The following CR1L variants were observed in gnomAD, a reference collection of about 807,000 sequenced individuals.
The protein encoded by CR1L is complement component receptor 1-like protein.
In CR1L, 59 loss-of-function variants were observed where a neutral mutation model predicts 62.3. The observed-to-expected ratio is 0.95, with a 90% CI of 0.77 to 1.18. The LOEUF (loss-of-function observed/expected upper bound fraction) is 1.18, where lower values mean the gene tolerates loss of function less well. CR1L is among the 50% of genes most tolerant of loss of function. The pLI, the probability that CR1L is intolerant of heterozygous loss-of-function variation, is 0.00. For missense variants in CR1L, 700 were observed against 702.8 expected (o/e 1.00, Z 0.04); for synonymous variants, 279 against 248.7 (o/e 1.12, Z -1.15).
intron 3 of CR1L, among the ~76,000 whole-genome samples, chr1:207,681,891 T>C (rs558470205): frequency 4.6e-5 from 7 of 152,248 alleles, no homozygotes; most frequent in South Asian, 2.1e-4. Context: ...GCTTTCATTT[T>C]TGGTGGTGTA....
At chr1:207,690,463 T>C (rs2102466128) in intron 4 of CR1L, among the ~76,000 whole-genome samples, 1 of 152,364 alleles carries the variant, frequency 6.6e-6, no homozygotes, top group South Asian at 2.1e-4. Flanking sequence ...TTTGGTAAAA[T>C]GTTACATATG....
chr1:207,719,138 C>T (rs12760671), intron 11 of CR1L, among the ~76,000 whole-genome samples: 40,007 of 120,264 alleles, frequency 0.33, 7,281 homozygotes, highest in Admixed American at 0.44. Flanking sequence ...GGGATAGCAT[C>T]GGGAGATATA....
rs532566607 is a variant in CR1L at position 207,660,447 on chromosome 1, T to A, written c.97+15117T>A. Among the ~76,000 whole-genome samples the A allele has an allele frequency of 2.6e-5, 4 of 152,362 alleles. No homozygotes were observed. In the East Asian group the frequency reaches 7.7e-4, roughly 29 times the overall value. ...ACCTGCAGCTGAGGGACCTGTCTGT[T>A]AGAAGGAAAACAAAGAAACAGAAAG... On this transcript the variant is annotated intron_variant, in intron 1 of 11. Coordinates refer to ENST00000508064, the MANE Select transcript of CR1L (RefSeq NM_175710.2).
chr1:207,698,644 G>A (rs552681397), intron 7 of CR1L, among the ~76,000 whole-genome samples: 15 of 152,096 alleles, frequency 9.9e-5, no homozygotes, highest in African/African-American at 1.7e-4. Flanking sequence ...CAACAATTGC[G>A]TACAAAAATT....
rs557607056 is a variant in CR1L, at chr1:207,666,707, A to G, written c.98-10682A>G. Among the ~76,000 whole-genome samples the G allele has an allele frequency of 1.8e-4, 28 of 152,338 alleles. No homozygotes were observed. The East Asian group carries it at 5.2e-3, about 28-fold the overall frequency. ...CACATACTGGGATCTATTGGAGGGT[A>G]GAGGATAGGAAGAGGGAGAGGATTA... is the stretch of plus-strand genomic sequence containing the variant. On this transcript the variant is annotated intron_variant, in intron 1 of 11. Transcript: ENST00000508064.
At chr1:207,717,964 A>G (rs972830105) in intron 11 of CR1L, among the ~76,000 whole-genome samples, 2 of 152,152 alleles carry the variant, frequency 1.3e-5, no homozygotes, top group African/African-American at 4.8e-5. Context: ...CAGATTTTGT[A>G]GAGAAATTTT....
chr1:207,707,850 C>T (rs1025286512), intron 9 of CR1L, among the ~76,000 whole-genome samples: 4 of 142,684 alleles, frequency 2.8e-5, no homozygotes, highest in Non-Finnish European at 6.2e-5. Context: ...CAAAAAATGG[C>T]AGAAATAATA....
intron 4 of CR1L, among the ~76,000 whole-genome samples, chr1:207,684,573 G>C (rs768141944): frequency 2.0e-5 from 3 of 152,136 alleles, no homozygotes; most frequent in Non-Finnish European, 2.9e-5. Flanking sequence ...AAAAAGATGT[G>C]TTCAAATGAC....
chr1:207,646,638 G>C (rs992430515), intron 1 of CR1L, among the ~76,000 whole-genome samples: 2 of 143,214 alleles, frequency 1.4e-5, no homozygotes, highest in Non-Finnish European at 3.0e-5. Context: ...TTGAGCCCAG[G>C]AGGAGAAGAC....
At chr1:207,721,326 A>G (rs111319244) in intron 11 of CR1L, among the ~76,000 whole-genome samples, 4,023 of 144,652 alleles carry the variant, frequency 0.028, 214 homozygotes, top group African/African-American at 0.097. Context: ...ATATCTCCCA[A>G]TTCTATCCCT....
intron 10 of CR1L, chr1:207,710,722 C>T (rs931525692): frequency 1.6e-5 from 25 of 1,609,798 alleles, no homozygotes; most frequent in Middle Eastern, 2.3e-4. Context: ...AAGGACCCCC[C>T]GCACCGTGTG....
At chr1:207,684,537 T>C (rs1309824367) in intron 4 of CR1L, among the ~76,000 whole-genome samples, 1 of 152,212 alleles carries the variant, frequency 6.6e-6, no homozygotes, top group East Asian at 1.9e-4. Context: ...TTTTAAACTA[T>C]GGTTTGGAAA....
At chr1:207,672,825 G>A (rs1014421231) in intron 1 of CR1L, among the ~76,000 whole-genome samples, 1 of 152,116 alleles carries the variant, frequency 6.6e-6, no homozygotes, top group Non-Finnish European at 1.5e-5. Context: ...TGTGCTTTGT[G>A]ATGTATTCTG....
chr1:207,684,411 C>T (rs1334947664), intron 4 of CR1L, among the ~76,000 whole-genome samples: 1 of 152,180 alleles, frequency 6.6e-6, no homozygotes, highest in Non-Finnish European at 1.5e-5. Flanking sequence ...TGTATTTTAA[C>T]CTACTTCTTA....
intron 4 of CR1L, among the ~76,000 whole-genome samples, chr1:207,685,189 A>T (rs1663881127): frequency 6.6e-6 from 1 of 152,190 alleles, no homozygotes; most frequent in African/African-American, 2.4e-5. Context: ...CTAGTTCTGT[A>T]AACTCTCTAT....
chr1:207,684,467 G>A (rs11577114), intron 4 of CR1L, among the ~76,000 whole-genome samples: 1 of 152,044 alleles, frequency 6.6e-6, no homozygotes, highest in South Asian at 2.1e-4. Flanking sequence ...AAGCAGTTTG[G>A]TATAAACTTT....
chr1:207,671,840 G>T (rs1571511114), intron 1 of CR1L, among the ~76,000 whole-genome samples: 2 of 150,798 alleles, frequency 1.3e-5, no homozygotes, highest in Admixed American at 1.3e-4. Context: ...AGAATCTCTT[G>T]AACCTGGGAG....
In CR1L at chr1:207,668,379, A is replaced by T. The variant is rs74856277; in HGVS notation, c.98-9010A>T. On this transcript the variant is annotated intron_variant, in intron 1 of 11. Transcript: ENST00000508064. Reference sequence around the variant, plus strand: ...CCTATCATTTGCAGCAACATGGATGAATCTAGGGGATATTATATTAAATGA... The same window carrying T: ...CCTATCATTTGCAGCAACATGGATGTATCTAGGGGATATTATATTAAATGA... Among the ~76,000 whole-genome samples the T allele has an allele frequency of 4.7e-3, 712 of 151,254 alleles. 59 individuals carry two copies. The highest frequency in any genetic ancestry group is 0.017 in the African/African-American group (694 of 40,532).
intron 9 of CR1L, among the ~76,000 whole-genome samples, chr1:207,706,236 A>G (rs533032357): frequency 6.6e-6 from 1 of 151,832 alleles, no homozygotes; most frequent in South Asian, 2.1e-4. Context: ...CCTGGGCAAT[A>G]AGGCAAAACC....
Sources: gnomAD v4.1 joint callset for allele counts (sites outside exome capture counted in the v4.1 genomes callset) on GRCh38, gnomAD v4.1.1 for gene constraint, MANE v1.5 for transcripts, NCBI Gene and HGNC (gene_info 2026-07-23, HGNC 2026-07-21) for gene names.